KAT14: variants seen among roughly 807,000 people sequenced by gnomAD.
KAT14 encodes lysine acetyltransferase 14, also known as cysteine-rich protein 2-binding protein.
A neutral mutation model predicts 78.4 loss-of-function variants in KAT14; 66 were observed. The ratio of observed to expected loss-of-function variants is 0.84; its 90% CI spans 0.69 to 1.03. The LOEUF (loss-of-function observed/expected upper bound fraction) is 1.03. KAT14 is among the 50% of genes least tolerant of loss of function. The pLI is 0.00. For synonymous variants in KAT14, 344 were observed against 359.4 expected (o/e 0.96, Z 0.48); for missense variants, 870 against 972.5 (o/e 0.89, Z 1.40).
chr20:18,141,061 TAGAGATGGG>T (rs2037555866), intron 1 of KAT14, among the ~76,000 whole-genome samples: 1 of 139,666 alleles, frequency 7.2e-6, no homozygotes, highest in Non-Finnish European at 1.5e-5. Context: ...TTATTTTTGC[TAGAGATGGG>T]ATTTTGCCAT....
chr20:18,172,534 T>C (rs1284453929), intron 7 of KAT14, among the ~76,000 whole-genome samples: 7 of 152,150 alleles, frequency 4.6e-5, no homozygotes, highest in African/African-American at 1.7e-4. Flanking sequence ...CCCAATGTGC[T>C]GGTATTACAG....
intron 2 of KAT14, chr20:18,143,204 T>C (rs1600214763): frequency 1.8e-6 from 2 of 1,136,332 alleles, no homozygotes. Flanking sequence ...CATATTTTTC[T>C]AACAAGGTCA....
intron 7 of KAT14, 36 bp downstream of exon 7, chr20:18,162,981 C>G: frequency 6.3e-7 from 1 of 1,597,836 alleles, no homozygotes; most frequent in Non-Finnish European, 8.5e-7. Context: ...CCCTTGGGGG[C>G]AGGAGTGGAG....
At chr20:18,184,486 T>G (rs995159320) in intron 9 of KAT14, 116 bp from the exon 10 acceptor site, 13 of 163,990 alleles carry the variant, frequency 7.9e-5, no homozygotes, top group Admixed American at 3.7e-4. Flanking sequence ...AGTTTTGGTG[T>G]TTTTTTTTTT....
chr20:18,184,655 T>C lies in KAT14; in HGVS notation c.2035T>C (p.Tyr679His). ...QYPDFSVVVL[Y>H]KKVIIAFGFM... ...CCCAGACTTCAGTGTTGTTGTTCTTTATAAAAAAGTCATCATTGCCTTTGG... is the reference window on the plus strand; with the variant it reads ...CCCAGACTTCAGTGTTGTTGTTCTTCATAAAAAAGTCATCATTGCCTTTGG... Residue 679 changes from tyrosine (Y) to histidine (H), a missense_variant, in exon 10 of 11, where the codon TAT becomes CAT. By Grantham distance (83) the Tyr-to-His change is moderately conservative. Coordinates refer to ENST00000688188, the MANE Select transcript of KAT14 (RefSeq NM_001392073.1). 6.2e-7 allele frequency: 1 copy of C among 1,613,996 alleles called. No individual in the cohort carries two copies. The highest frequency in any genetic ancestry group is 8.5e-7 in the Non-Finnish European group (1 of 1,179,996).
intron 3 of KAT14, among the ~76,000 whole-genome samples, chr20:18,148,865 C>T (rs908065419): frequency 2.0e-5 from 3 of 152,104 alleles, no homozygotes; most frequent in Admixed American, 6.5e-5. Context: ...CCACCTCAGC[C>T]TCCCAAAGTG....
chr20:18,158,823 T>G (rs1192625860), intron 4 of KAT14, among the ~76,000 whole-genome samples: 1 of 152,212 alleles, frequency 6.6e-6, no homozygotes, highest in Non-Finnish European at 1.5e-5. Flanking sequence ...ATTATTGCAT[T>G]TAATCCTCAC....
chr20:18,154,970 A>G (rs1448807232), intron 4 of KAT14, among the ~76,000 whole-genome samples: 1 of 152,226 alleles, frequency 6.6e-6, no homozygotes, highest in Non-Finnish European at 1.5e-5. Context: ...AGTAATAACT[A>G]AGTTTTCATA....
intron 4 of KAT14, among the ~76,000 whole-genome samples, chr20:18,156,107 A>G (rs531182668): frequency 2.0e-5 from 3 of 152,040 alleles, no homozygotes; most frequent in Non-Finnish European, 4.4e-5. Context: ...AACCTTGAGG[A>G]CATTATGCTG....
chr20:18,161,290 C>A (rs1382808979), intron 5 of KAT14, among the ~76,000 whole-genome samples: 2 of 152,042 alleles, frequency 1.3e-5, no homozygotes, highest in Non-Finnish European at 1.5e-5. Context: ...CTCCCAGGCT[C>A]AAAATCCACC....
chr20:18,148,670 C>T lies in KAT14; in HGVS notation c.379-2151C>T, dbSNP rs563265256. 3.5e-4 allele frequency among the ~76,000 whole-genome samples: 53 copies of T among 150,430 alleles called. 1 individual carries two copies. The East Asian group carries it at 1.0e-2, about 28-fold the overall frequency. On this transcript the variant is annotated intron_variant, in intron 3 of 10. Transcript: ENST00000688188. ...TGTTGCCCAGGCTGGAGTGCAATGG[C>T]GCGATCTTGGCTCACTGCAACCTCT...
chr20:18,169,197 G>A (rs2038764312), intron 7 of KAT14, among the ~76,000 whole-genome samples: 2 of 151,980 alleles, frequency 1.3e-5, no homozygotes, highest in Admixed American at 6.5e-5. Flanking sequence ...TTGCCCATCT[G>A]TTCTTGCATA....
At chr20:18,153,271 A>G (rs2038112211) in intron 4 of KAT14, among the ~76,000 whole-genome samples, 1 of 152,124 alleles carries the variant, frequency 6.6e-6, no homozygotes, top group Non-Finnish European at 1.5e-5. Flanking sequence ...AGAAAATGGA[A>G]TAGACTCCCT....
At chr20:18,148,755 G>A (rs762424277) in intron 3 of KAT14, among the ~76,000 whole-genome samples, 4 of 151,958 alleles carry the variant, frequency 2.6e-5, no homozygotes, top group East Asian at 1.9e-4. Flanking sequence ...AACTACAGGC[G>A]TGCGCCACCA....
At chr20:18,183,607 C>T (rs187362890) in intron 9 of KAT14, 1 of 903,110 alleles carries the variant, frequency 1.1e-6, no homozygotes, top group East Asian at 1.2e-4. Context: ...GATACACAGA[C>T]TGGTAGCTTG....
At chr20:18,180,758 A>G (rs2146524123) in intron 7 of KAT14, among the ~76,000 whole-genome samples, 1 of 151,428 alleles carries the variant, frequency 6.6e-6, no homozygotes, top group East Asian at 1.9e-4. Context: ...CCCTGATTAA[A>G]AAAAACAAAA....
intron 2 of KAT14, among the ~76,000 whole-genome samples, chr20:18,143,970 A>T (rs2037715808): frequency 6.6e-6 from 1 of 152,210 alleles, no homozygotes. Context: ...CTGGCACCTG[A>T]GGAGTATGGC....
At chr20:18,160,260 G>A (rs2038370928) in intron 5 of KAT14, among the ~76,000 whole-genome samples, 1 of 152,166 alleles carries the variant, frequency 6.6e-6, no homozygotes, top group Non-Finnish European at 1.5e-5. Context: ...ACTTAAGGGT[G>A]TAAAGTATGA....
chr20:18,143,644 T>TTTTA (rs2037690910), intron 2 of KAT14, among the ~76,000 whole-genome samples: 3 of 148,716 alleles, frequency 2.0e-5, no homozygotes, highest in Non-Finnish European at 3.0e-5. Context: ...TTTTTTTTTT[T>TTTTA]GAGACGGAGT....
Sources: allele counts gnomAD v4.1 joint callset (sites outside exome capture counted in the v4.1 genomes callset), GRCh38; gene constraint gnomAD v4.1.1; transcripts MANE v1.5; gene names NCBI Gene and HGNC (gene_info 2026-07-23, HGNC 2026-07-21).